PMFBP1: variants seen among roughly 807,000 people sequenced by gnomAD.
PMFBP1 encodes polyamine-modulated factor 1-binding protein 1.
PMFBP1 carries 131 observed loss-of-function variants against 137.8 expected under a neutral mutation model. The observed-to-expected ratio is 0.95, with a 90% CI of 0.82 to 1.10. The LOEUF is 1.10. Among genes scored for constraint, PMFBP1 ranks in the 50% least tolerant of loss-of-function variants. The probability of loss-of-function intolerance (pLI) is 0.00; values close to 1 mark genes in which losing one functional copy is unlikely to be tolerated. For missense variants in PMFBP1, 1,199 were observed against 1,175.4 expected, an observed-to-expected ratio of 1.02 and a Z score of -0.29; for synonymous variants, 490 against 450.4, an observed-to-expected ratio of 1.09 and a Z score of -1.11.
chr16:72,160,969 A>C (rs1280993052), intron 3 of PMFBP1, among the ~76,000 whole-genome samples: 1 of 152,174 alleles, frequency 6.6e-6, no homozygotes, highest in East Asian at 1.9e-4. Flanking sequence ...AACCATTAGC[A>C]CAGATGAGGA....
the PMFBP1 span, among the ~76,000 whole-genome samples, chr16:72,186,064 A>C: frequency 1.3e-5 from 2 of 152,158 alleles, no homozygotes; most frequent in African/African-American, 2.4e-5. Flanking sequence ...GGAGGGGTCC[A>C]CCCATCATTC....
At chr16:72,133,772 T>C (rs1335664101) in intron 9 of PMFBP1, among the ~76,000 whole-genome samples, 1 of 151,992 alleles carries the variant, frequency 6.6e-6, no homozygotes, top group Non-Finnish European at 1.5e-5. Context: ...AAAGGCAGGG[T>C]CCTAATAGAT....
the PMFBP1 span, among the ~76,000 whole-genome samples, chr16:72,212,335 T>C: frequency 6.6e-6 from 1 of 151,922 alleles, no homozygotes; most frequent in Non-Finnish European, 1.5e-5. Context: ...TAATAGAAAA[T>C]AAGAGAGAAC....
Position 72,150,788 on chromosome 16 carries a change from G to A in PMFBP1, c.456C>T (p.Asn152=). 1 of 1,614,118 alleles carries A rather than the reference G, an allele frequency of 6.2e-7. No homozygotes were observed. Among genetic ancestry groups the A allele is most frequent in the Non-Finnish European group, 8.5e-7 (1 of 1,180,026 alleles). ...YEEEMGNHNE[N]TGEKLHLAQE... is the part of the protein sequence containing the mutation. ...GCGCCAAATGGAGCTTCTCCCCTGT[G>A]TTCTCGTTGTGATTTCCCATTTCCT... is the stretch of plus-strand genomic sequence containing the variant. The change falls in exon 5 of 21, where the codon AAC becomes AAT. Residue 152 remains asparagine (N), a synonymous_variant. Transcript: ENST00000237353.
At chr16:72,212,228 G>A in the PMFBP1 span, among the ~76,000 whole-genome samples, 1 of 152,060 alleles carries the variant, frequency 6.6e-6, no homozygotes, top group Non-Finnish European at 1.5e-5. Context: ...GGGGATTATA[G>A]AAGAAAGGAC....
chr16:72,217,192 G>T, the PMFBP1 span, among the ~76,000 whole-genome samples: 3 of 152,086 alleles, frequency 2.0e-5, no homozygotes, highest in African/African-American at 7.2e-5. Flanking sequence ...GCTGGTAAGG[G>T]TTTAACAACT....
rs575331962 is a variant in PMFBP1 at position 72,144,310 on chromosome 16, A to G, written c.637-3728T>C. ...ATTTCATTAAGAAAAGAAATAAAAA[A>G]ATGGCCAAGAAAAAATAGAAAGTGT... is the stretch of plus-strand genomic sequence containing the variant. On this transcript the variant is annotated intron_variant, in intron 5 of 20. Transcript: ENST00000237353. 5.9e-5 allele frequency among the ~76,000 whole-genome samples: 9 copies of G among 152,304 alleles called. No individual in the cohort carries two copies. The South Asian group carries it at 1.9e-3, about 32-fold the overall frequency.
chr16:72,182,193 G>A, the PMFBP1 span, among the ~76,000 whole-genome samples: 1 of 152,104 alleles, frequency 6.6e-6, no homozygotes, highest in Non-Finnish European at 1.5e-5. Flanking sequence ...CTAGAAGAGA[G>A]GTGCACCTCA....
At chr16:72,138,248 A>G (rs2042663196) in intron 7 of PMFBP1, among the ~76,000 whole-genome samples, 1 of 152,202 alleles carries the variant, frequency 6.6e-6, no homozygotes, top group African/African-American at 2.4e-5. Context: ...TGGGATTGGA[A>G]AGTCCTGGAA....
chr16:72,178,472 C>T (rs896406881), upstream of PMFBP1, among the ~76,000 whole-genome samples: 9 of 152,146 alleles, frequency 5.9e-5, no homozygotes, highest in African/African-American at 2.2e-4. Context: ...CAGTAGTATT[C>T]TAATGGGGGT....
chr16:72,166,695 A>T (rs1157244397), intron 2 of PMFBP1, among the ~76,000 whole-genome samples: 2 of 152,216 alleles, frequency 1.3e-5, no homozygotes, highest in African/African-American at 4.8e-5. Context: ...AAACTCTGGA[A>T]TATGAGCTAC....
Position 72,164,295 on chromosome 16 carries a change from C to T in PMFBP1, c.165+469G>A, listed in dbSNP as rs753105466. 3.1e-5 allele frequency: 25 copies of T among 793,672 alleles called. No individual in the cohort carries two copies. The Middle Eastern group carries it at 8.7e-4, about 28-fold the overall frequency. The allele number at this position is 793,672 out of a possible 1,614,324, so 49.2% of individuals were successfully genotyped here. On this transcript the variant is annotated intron_variant, in intron 3 of 20. Coordinates refer to ENST00000237353, the MANE Select transcript of PMFBP1 (RefSeq NM_031293.3). ...TGTCCTATGATCAGGTTCCTGCATC[C>T]AGAAGAAAAGCTTGCAGGCAGTGAG...
intron 9 of PMFBP1, among the ~76,000 whole-genome samples, chr16:72,133,447 G>A (rs1157706364): frequency 6.6e-6 from 1 of 152,050 alleles, no homozygotes; most frequent in African/African-American, 2.4e-5. Context: ...CCGAAGTGTT[G>A]GGATTACAGG....
chr16:72,199,880 G>A, the PMFBP1 span, among the ~76,000 whole-genome samples: 1 of 152,174 alleles, frequency 6.6e-6, no homozygotes, highest in Non-Finnish European at 1.5e-5. Flanking sequence ...TGGCAGCGTG[G>A]AATTAGGATG....
the PMFBP1 span, among the ~76,000 whole-genome samples, chr16:72,217,642 A>G: frequency 6.6e-6 from 1 of 152,322 alleles, no homozygotes; most frequent in Non-Finnish European, 1.5e-5. Context: ...ACCTGATATC[A>G]AGAGTTCGAG....
chr16:72,155,819 C>G (rs900888359), intron 3 of PMFBP1, among the ~76,000 whole-genome samples: 2 of 152,070 alleles, frequency 1.3e-5, no homozygotes, highest in Non-Finnish European at 2.9e-5. Context: ...ACATTTCTAT[C>G]AACCCCCCAC....
downstream of PMFBP1, among the ~76,000 whole-genome samples, chr16:72,117,280 A>G (rs1235121744): frequency 6.6e-6 from 1 of 152,024 alleles, no homozygotes; most frequent in Non-Finnish European, 1.5e-5. Flanking sequence ...AAATGAAATT[A>G]TTTTTATAAT....
chr16:72,126,435 A>T (rs1180600572), intron 14 of PMFBP1, among the ~76,000 whole-genome samples: 1 of 152,254 alleles, frequency 6.6e-6, no homozygotes, highest in African/African-American at 2.4e-5. Flanking sequence ...CATACTCTGC[A>T]GCCTTTGATA....
At chr16:72,139,438 T>G in intron 6 of PMFBP1, 39 bp from the exon 7 acceptor site, 1 of 1,419,594 alleles carries the variant, frequency 7.0e-7, no homozygotes, top group Non-Finnish European at 9.9e-7. Flanking sequence ...GGATGATCAA[T>G]GGAACGTGCT....
Sources: gnomAD v4.1 joint callset for allele counts (sites outside exome capture counted in the v4.1 genomes callset) on GRCh38, gnomAD v4.1.1 for gene constraint, MANE v1.5 for transcripts, NCBI Gene and HGNC (gene_info 2026-07-23, HGNC 2026-07-21) for gene names.